The following SETD2 variants were observed in gnomAD, a reference collection of about 807,000 sequenced individuals.
The protein encoded by SETD2 is histone-lysine N-methyltransferase SETD2.
SETD2 carries 31 observed loss-of-function variants against 242.1 expected under a neutral mutation model. That is an observed-to-expected ratio of 0.13 (90% CI 0.10 to 0.17). SETD2 has a LOEUF of 0.17. Among genes scored for constraint, SETD2 ranks in the 10% least tolerant of loss-of-function variants. SETD2 has a pLI of 1.00. For missense variants in SETD2, 2,481 were observed against 3,046.3 expected, an observed-to-expected ratio of 0.81 and a Z score of 4.37; for synonymous variants, 1,006 against 1,066.5, an observed-to-expected ratio of 0.94 and a Z score of 1.11.
At chr3:47,024,111 G>A (rs1259359378) in intron 18 of SETD2, among the ~76,000 whole-genome samples, 2 of 152,036 alleles carry the variant, frequency 1.3e-5, no homozygotes, top group Non-Finnish European at 2.9e-5. Flanking sequence ...AGGCCGAGGC[G>A]AGCAGATCAC....
chr3:47,096,609 A>C (rs2042017056), intron 9 of SETD2, among the ~76,000 whole-genome samples: 1 of 139,504 alleles, frequency 7.2e-6, no homozygotes, highest in African/African-American at 2.7e-5. Context: ...GGGGCTGGGC[A>C]CTGTGGCTCA....
rs774896853 is a variant in SETD2 at position 47,057,004 on chromosome 3, C to A, written c.6780G>T (p.Pro2260=). 2 of 1,614,140 alleles carry A rather than the reference C, an allele frequency of 1.2e-6. No homozygotes were observed. Among genetic ancestry groups the A allele is most frequent in the Admixed American group, 1.7e-5 (1 of 60,016 alleles). The change falls in exon 15 of 21, where the codon CCG becomes CCT. Residue 2260 remains proline, a synonymous_variant. Coordinates refer to ENST00000409792, the MANE Select transcript of SETD2 (RefSeq NM_014159.7). ...TCTGTCCCTGAACTGGGCCGGGGGC[C>A]GGCACTGGCAAGACAGCAACGCTGG... ...QDSSVAVLPV[P]APGPVQGQNY... is the part of the protein sequence containing the mutation.
At chr3:47,069,900 A>C (rs191895755) in intron 12 of SETD2, among the ~76,000 whole-genome samples, 17 of 152,286 alleles carry the variant, frequency 1.1e-4, no homozygotes, top group Admixed American at 1.1e-3. Context: ...CCACACTATA[A>C]GGGAAAAAAG....
At chr3:47,025,448 C>A (rs775557295) in intron 18 of SETD2, among the ~76,000 whole-genome samples, 3 of 152,192 alleles carry the variant, frequency 2.0e-5, no homozygotes, top group Non-Finnish European at 2.9e-5. Flanking sequence ...CTGTCTGACT[C>A]CCTTGCATTA....
intron 7 of SETD2, among the ~76,000 whole-genome samples, chr3:47,102,760 C>T (rs1182393813): frequency 1.4e-5 from 2 of 140,982 alleles, no homozygotes; most frequent in African/African-American, 5.3e-5. Context: ...TGTCACTGCG[C>T]TCCAGCCTGG....
chr3:47,046,659 T>C (rs750910197), intron 15 of SETD2, 38 bp from the exon 16 acceptor site: 1 of 1,586,282 alleles, frequency 6.3e-7, no homozygotes, highest in Non-Finnish European at 8.6e-7. Context: ...ATTTAAGCTT[T>C]TGTCACTTTA....
At chr3:47,142,181 A>G (rs931681642) in intron 1 of SETD2, among the ~76,000 whole-genome samples, 3 of 152,306 alleles carry the variant, frequency 2.0e-5, no homozygotes, top group African/African-American at 7.2e-5. Flanking sequence ...GCAGCTTCAA[A>G]AAGTTCTAAT....
chr3:47,103,672 C>CA (rs1273907101), intron 6 of SETD2, among the ~76,000 whole-genome samples: 2 of 151,584 alleles, frequency 1.3e-5, no homozygotes, highest in Non-Finnish European at 2.9e-5. Context: ...TTAACCCAAT[C>CA]AAAAAAAATT....
intron 1 of SETD2, among the ~76,000 whole-genome samples, chr3:47,146,383 T>C (rs1303600640): frequency 6.6e-6 from 1 of 152,104 alleles, no homozygotes; most frequent in Non-Finnish European, 1.5e-5. Context: ...ATTCCCACAC[T>C]TTGGGAGGCC....
At chr3:47,153,956 CTG>C (rs992193165) in intron 1 of SETD2, among the ~76,000 whole-genome samples, 1 of 152,132 alleles carries the variant, frequency 6.6e-6, no homozygotes, top group African/African-American at 2.4e-5. Flanking sequence ...AAAACTCACT[CTG>C]TGGAGAAATA....
intron 15 of SETD2, among the ~76,000 whole-genome samples, chr3:47,054,362 G>A (rs768369774): frequency 2.6e-5 from 4 of 152,152 alleles, no homozygotes; most frequent in Non-Finnish European, 4.4e-5. Flanking sequence ...GCTCTTTACT[G>A]AGGAGTCTTT....
Position 47,017,053 on chromosome 3 carries a change from G to A in SETD2, c.*40C>T. The A allele has an allele frequency of 1.2e-6, 2 of 1,604,240 alleles. No homozygotes were observed. The highest frequency in any genetic ancestry group is 1.7e-6 in the Non-Finnish European group (2 of 1,172,548). On this transcript the variant is annotated 3_prime_UTR_variant, in exon 21 of 21. Transcript: ENST00000409792. The surrounding 1 kb of genome is among the most constrained non-coding windows in gnomAD (Gnocchi z 4.8). ...ACAGGATTTCCTCTCCCTAGAGTCT[G>A]TCTTACCTGACCACCCATCCTCCCA...
chr3:47,114,343 T>C (rs1404904978), intron 4 of SETD2, among the ~76,000 whole-genome samples: 32 of 152,220 alleles, frequency 2.1e-4, no homozygotes, highest in Admixed American at 2.0e-3. Flanking sequence ...TTATATTCTG[T>C]AAGTGCACCT....
rs2106674415 is a variant in SETD2, at chr3:47,122,290, C to T, written c.2346G>A (p.Arg782=). 1 of 1,614,016 alleles carries T rather than the reference C, an allele frequency of 6.2e-7. No homozygotes were observed. The highest frequency in any genetic ancestry group is 8.5e-7 in the Non-Finnish European group (1 of 1,179,986). ...AATCTTTGGTTTTGCAGCAAGAAAC[C>T]CTCGTATCAACTGGTTCTTTAACTA... is the stretch of plus-strand genomic sequence containing the variant. ...KTVVKEPVDT[R]VSCCKTKDSD... is the part of the protein sequence containing the mutation. The change falls in exon 3 of 21, where the codon AGG becomes AGA. Residue 782 remains arginine, a synonymous_variant. Coordinates refer to ENST00000409792, the MANE Select transcript of SETD2 (RefSeq NM_014159.7).
chr3:47,120,756 C>G lies in SETD2; in HGVS notation c.3880G>C (p.Gly1294Arg), dbSNP rs374230237. 1.2e-6 allele frequency: 2 copies of G among 1,614,160 alleles called. No individual in the cohort carries two copies. The highest frequency in any genetic ancestry group is 1.7e-6 in the Non-Finnish European group (2 of 1,180,036). The stretch of plus-strand genomic sequence containing the variant: ...CCTTGCCAGTAATCACGTGTCCCAC[C>G]ATACTGTTCTGCATTTTGCTGATAC... ...HKYQQNAEQYGGTRDYWQGNG... is the reference protein window; with the variant it reads ...HKYQQNAEQYRGTRDYWQGNG... Residue 1294 changes from glycine (G) to arginine (R), a missense_variant, in exon 3 of 21, where the codon GGT becomes CGT. Around this residue, in one of 17 missense-constraint regions of SETD2, gnomAD observed 1,300 missense variants for 1,259.2 expected, o/e 1.03. Coordinates refer to ENST00000409792, the MANE Select transcript of SETD2 (RefSeq NM_014159.7).
At position 47,123,703 on chromosome 3, in the gene SETD2, G is replaced by C. The variant is rs2106710263; in HGVS notation, c.933C>G (p.Ser311=). Residue 311 remains serine, a synonymous_variant, in exon 3 of 21, where the codon TCC becomes TCG. Transcript: ENST00000409792. Reference sequence around the variant, plus strand: ...CAAGAAAGATGCCTTCAGATTGTGAGGATTTCTTCTTAGAACCTGTTTTTT... The same window carrying C: ...CAAGAAAGATGCCTTCAGATTGTGACGATTTCTTCTTAGAACCTGTTTTTT... ...SCKKTGSKKK[S]SQSEGIFLGS... 1 of 1,551,406 alleles carries C rather than the reference G, an allele frequency of 6.4e-7. No individual in the cohort carries two copies. The highest frequency in any genetic ancestry group is 1.7e-4 in the Middle Eastern group (1 of 5,990).
intron 18 of SETD2, among the ~76,000 whole-genome samples, chr3:47,032,843 C>A (rs995266009): frequency 6.6e-6 from 1 of 150,976 alleles, no homozygotes; most frequent in Non-Finnish European, 1.5e-5. Flanking sequence ...ACCCGGGAGG[C>A]AGAAGTTGCA....
chr3:47,152,978 A>C (rs999829126), intron 1 of SETD2, among the ~76,000 whole-genome samples: 1 of 152,220 alleles, frequency 6.6e-6, no homozygotes, highest in Non-Finnish European at 1.5e-5. Flanking sequence ...TGAAATGACA[A>C]TATGTTTGCT....
chr3:47,097,866 G>T, intron 9 of SETD2, 89 bp downstream of exon 9: 1 of 1,262,652 alleles, frequency 7.9e-7, no homozygotes, highest in Non-Finnish European at 1.1e-6. Flanking sequence ...TCTGGTGGCA[G>T]TAGTATGACT....
Sources: allele counts gnomAD v4.1 joint callset (sites outside exome capture counted in the v4.1 genomes callset), GRCh38; gene constraint gnomAD v4.1.1; regional missense constraint gnomAD v4.1.1; non-coding constraint Gnocchi (gnomAD v3.1); transcripts MANE v1.5; gene names NCBI Gene and HGNC (gene_info 2026-07-23, HGNC 2026-07-21).